The following BCL7A variants were observed in gnomAD, a reference collection of about 807,000 sequenced individuals.
BCL7A encodes B-cell CLL/lymphoma 7 protein family member A.
A neutral mutation model predicts 28.4 loss-of-function variants in BCL7A; 11 were observed. The ratio of observed to expected loss-of-function variants is 0.39; its 90% confidence interval spans 0.24 to 0.64. The LOEUF is 0.64. Among genes scored for constraint, BCL7A ranks in the 30% least tolerant of loss-of-function variants. The pLI, the probability that BCL7A is intolerant of heterozygous loss-of-function variation, is 0.50. For synonymous variants in BCL7A, 123 were observed against 103.3 expected, an observed-to-expected ratio of 1.19 and a Z score of -1.15; for missense variants, 222 against 274.8, an observed-to-expected ratio of 0.81 and a Z score of 1.36.
intron 4 of BCL7A, among the ~76,000 whole-genome samples, chr12:122,053,488 C>T (rs1213986601): frequency 1.3e-5 from 2 of 152,156 alleles, no homozygotes; most frequent in Non-Finnish European, 2.9e-5. Flanking sequence ...ATTACTCTGC[C>T]TCAGAAACCC....
chr12:122,034,383 C>T (rs1593025846), intron 2 of BCL7A, among the ~76,000 whole-genome samples: 1 of 147,950 alleles, frequency 6.8e-6, no homozygotes, highest in Non-Finnish European at 1.5e-5. Flanking sequence ...TAACGAGTCT[C>T]CTACAGTTCA....
Position 122,022,102 on chromosome 12 carries a change from G to A in BCL7A, c.11G>A (p.Arg4Lys). 6.4e-7 allele frequency: 1 copy of A among 1,572,604 alleles called. No individual in the cohort carries two copies. Among genetic ancestry groups the A allele is most frequent in the Non-Finnish European group, 8.6e-7 (1 of 1,158,310 alleles). ...CTCCCCGCCGGAACCATGTCGGGCA[G>A]GTCGGTTCGAGCCGAGACGAGGAGC... MSG[R>K]SVRAETRSRA... The change falls in exon 1 of 6, where the codon AGG (arginine) becomes AAG (lysine). Residue 4 changes from arginine (R) to lysine (K), a missense_variant. Around this residue, in one of 2 missense-constraint regions of BCL7A, gnomAD observed 67 missense variants for 129.1 expected, o/e 0.52. Transcript: ENST00000261822.
At position 122,021,895 on chromosome 12, in the gene BCL7A, G is replaced by C; in HGVS notation, c.-197G>C. ...CGCCCGGCGCTTGCGCACTGGGCCA[G>C]GCGCGCGGCGGCCCCGGGCTTTGTG... On this transcript the variant is annotated 5_prime_UTR_variant, in exon 1 of 6. Transcript: ENST00000261822. The C allele has an allele frequency of 1.0e-5, 4 of 394,946 alleles. No homozygotes were observed. In the South Asian group the frequency reaches 1.2e-4, roughly 12 times the overall value. The allele number at this position is 394,946 out of a possible 1,614,324, so 24.5% of individuals were successfully genotyped here. A position where few individuals can be genotyped will look rare whatever the true frequency, so the allele number is the denominator to read the frequency against.
chr12:122,023,326 G>A (rs1252441782), intron 1 of BCL7A, among the ~76,000 whole-genome samples: 2 of 152,338 alleles, frequency 1.3e-5, no homozygotes, highest in East Asian at 3.9e-4. Context: ...GCGCCCGCGG[G>A]CTCGTCTCGA....
intron 4 of BCL7A, 84 bp downstream of exon 4, chr12:122,044,137 C>T (rs1045422701): frequency 6.8e-7 from 1 of 1,475,326 alleles, no homozygotes; most frequent in Non-Finnish European, 9.1e-7. Flanking sequence ...TCCAGGAGGC[C>T]CTGTCATGTG....
chr12:122,022,632 G>A (rs1452821861), intron 1 of BCL7A, among the ~76,000 whole-genome samples: 1 of 145,464 alleles, frequency 6.9e-6, no homozygotes, highest in Non-Finnish European at 1.5e-5. Context: ...GGCTCCGAGC[G>A]GGCCGCCGCC....
chr12:122,059,000 G>T (rs781557497), intron 5 of BCL7A, 92 bp from the exon 6 acceptor site: 181 of 1,159,464 alleles, frequency 1.6e-4, no homozygotes, highest in Admixed American at 2.4e-4. Flanking sequence ...CCCCCGCTCG[G>T]TTCCTTCCTT....
At chr12:122,039,195 G>C (rs547639868) in intron 3 of BCL7A, among the ~76,000 whole-genome samples, 1 of 151,670 alleles carries the variant, frequency 6.6e-6, no homozygotes, top group East Asian at 1.9e-4. Context: ...TACTCGGGAG[G>C]CTGAGGCAAG....
At chr12:122,053,041 G>A (rs1401510993) in intron 4 of BCL7A, among the ~76,000 whole-genome samples, 1 of 151,970 alleles carries the variant, frequency 6.6e-6, no homozygotes, top group East Asian at 1.9e-4. Context: ...TGTCGCCCAG[G>A]CTGGAGTGCC....
chr12:122,024,113 C>G (rs1883552523), intron 1 of BCL7A, among the ~76,000 whole-genome samples: 1 of 152,312 alleles, frequency 6.6e-6, no homozygotes, highest in South Asian at 2.1e-4. Context: ...TTCCAGCCCG[C>G]TGACCCCGCG....
intron 1 of BCL7A, among the ~76,000 whole-genome samples, chr12:122,024,561 TC>T (rs1293794436): frequency 6.6e-6 from 1 of 151,782 alleles, no homozygotes; most frequent in Non-Finnish European, 1.5e-5. Context: ...CCCCGCGCCT[TC>T]GGATTGGGTC....
chr12:122,022,808 C>G (rs1883497715), intron 1 of BCL7A, among the ~76,000 whole-genome samples: 1 of 151,824 alleles, frequency 6.6e-6, no homozygotes, highest in African/African-American at 2.4e-5. Context: ...GGAGCGAGGG[C>G]TCTCGGCGAC....
intron 5 of BCL7A, among the ~76,000 whole-genome samples, chr12:122,055,993 C>T (rs1951875978): frequency 6.6e-6 from 1 of 152,216 alleles, no homozygotes; most frequent in South Asian, 2.1e-4. Flanking sequence ...TCCACATGCC[C>T]TAGCTCTAAG....
rs760785150 is a variant in BCL7A, at chr12:122,059,203, T to G, written c.*40T>G. On this transcript the variant is annotated 3_prime_UTR_variant, in exon 6 of 6. Transcript: ENST00000261822. The surrounding 1 kb of genome is among the most constrained non-coding windows in gnomAD (Gnocchi z 4.0). ...CCTCCGATCCATGTTCCATGGAAGG[T>G]ACATCAGCAATTAATTCTAGAGCAA... 22 of 1,553,060 alleles carry G rather than the reference T, an allele frequency of 1.4e-5. No individual in the cohort carries two copies. The Admixed American group carries it at 1.7e-4, about 12-fold the overall frequency.
At chr12:122,030,808 G>A (rs758928679) in intron 2 of BCL7A, 27 bp downstream of exon 2, 4 of 1,603,248 alleles carry the variant, frequency 2.5e-6, no homozygotes, top group East Asian at 2.2e-5. Flanking sequence ...GGTCCCCTGG[G>A]GTGGGCCACC....
At chr12:122,022,927 G>T in intron 1 of BCL7A, among the ~76,000 whole-genome samples, 1 of 152,272 alleles carries the variant, frequency 6.6e-6, no homozygotes, top group Non-Finnish European at 1.5e-5. Context: ...GCCAGCCGAT[G>T]TTTTTGGCCA....
chr12:122,022,559 G>A (rs567598319), intron 1 of BCL7A, among the ~76,000 whole-genome samples: 9 of 145,880 alleles, frequency 6.2e-5, no homozygotes, highest in East Asian at 2.0e-4. Flanking sequence ...CATGAAAGCG[G>A]CTTCCCGCGC....
At chr12:122,048,027 C>T (rs933592729) in intron 4 of BCL7A, among the ~76,000 whole-genome samples, 11 of 151,758 alleles carry the variant, frequency 7.2e-5, no homozygotes, top group African/African-American at 2.7e-4. Context: ...CCTCAGCCTC[C>T]AGAGTAGCTG....
Position 122,022,045 on chromosome 12 carries a change from A to C in BCL7A, c.-47A>C. ...AGTGTGGCCGCCGCGGAGCGCGAGCAGGACCCGGCGGGCGCGCTCCCCAGC... is the reference window on the plus strand; with the variant it reads ...AGTGTGGCCGCCGCGGAGCGCGAGCCGGACCCGGCGGGCGCGCTCCCCAGC... On this transcript the variant is annotated 5_prime_UTR_variant, in exon 1 of 6. Transcript: ENST00000261822. 1 of 1,499,194 alleles carries C rather than the reference A, an allele frequency of 6.7e-7. No homozygotes were observed. The highest frequency in any genetic ancestry group is 9.0e-7 in the Non-Finnish European group (1 of 1,112,636). 92.9% of individuals were successfully genotyped at this position (1,499,194 alleles called of 1,614,324 possible).
Sources: gnomAD v4.1 joint callset for allele counts (sites outside exome capture counted in the v4.1 genomes callset) on GRCh38, gnomAD v4.1.1 for gene constraint, gnomAD v4.1.1 regional missense constraint, Gnocchi (gnomAD v3.1) non-coding constraint, MANE v1.5 for transcripts, NCBI Gene and HGNC (gene_info 2026-07-23, HGNC 2026-07-21) for gene names.